The following SYDE1 variants were observed in gnomAD, a reference collection of about 807,000 sequenced individuals.
SYDE1 encodes the protein rho GTPase-activating protein SYDE1.
A neutral mutation model predicts 63.3 loss-of-function variants in SYDE1; 34 were observed. The observed-to-expected ratio is 0.54, with a 90% CI of 0.41 to 0.71. The LOEUF (loss-of-function observed/expected upper bound fraction) is 0.71. SYDE1 is among the 30% of genes least tolerant of loss of function. The pLI is 0.00. For missense variants in SYDE1, 925 were observed against 1,042.5 expected (o/e 0.89, Z 1.55); for synonymous variants, 467 against 473.4 (o/e 0.99, Z 0.18).
Position 15,109,624 on chromosome 19 carries a change from C to A in SYDE1, c.431-80C>A. On this transcript the variant is annotated intron_variant, in intron 2 of 7. Coordinates refer to ENST00000342784, the MANE Select transcript of SYDE1 (RefSeq NM_033025.6). The surrounding 1 kb of genome is among the most constrained non-coding windows in gnomAD (Gnocchi z 5.0). The stretch of plus-strand genomic sequence containing the variant: ...CCAGGGGAACACCAGCCTCACACTC[C>A]TTCCCTTCAGGGGAGCACCAGCCTC... 2.1e-6 allele frequency: 2 copies of A among 964,634 alleles called. No individual in the cohort carries two copies. Among genetic ancestry groups the A allele is most frequent in the African/African-American group, 1.7e-5 (1 of 60,322 alleles). The allele number at this position is 964,634 out of a possible 1,614,324, so 59.8% of individuals were successfully genotyped here.
chr19:15,108,711 G>A lies in SYDE1; in HGVS notation c.89-345G>A, dbSNP rs77889426. 3.5e-3 allele frequency: 837 copies of A among 236,060 alleles called. 8 individuals carry two copies. The highest frequency in any genetic ancestry group is 0.018 in the African/African-American group (801 of 44,584). The allele number at this position is 236,060 out of a possible 1,614,324, so 14.6% of individuals were successfully genotyped here. On this transcript the variant is annotated intron_variant, in intron 1 of 7. Transcript: ENST00000342784. The surrounding 1 kb of genome is among the most constrained non-coding windows in gnomAD (Gnocchi z 4.3). ...AGGGAAGCGACTTGCCCAAGGCCACGCAGGTGCAAAGCTCCATGCCACGGT... is the reference window on the plus strand; with the variant it reads ...AGGGAAGCGACTTGCCCAAGGCCACACAGGTGCAAAGCTCCATGCCACGGT...
Position 15,108,822 on chromosome 19 carries a change from A to ACT in SYDE1, c.89-234_89-233insCT. The ACT allele has an allele frequency of 2.0e-6, 1 of 506,430 alleles. No homozygotes were observed. Among genetic ancestry groups the ACT allele is most frequent in the South Asian group, 5.9e-5 (1 of 17,092 alleles). The allele number at this position is 506,430 out of a possible 1,614,324, so 31.4% of individuals were successfully genotyped here. A position where few individuals can be genotyped will look rare whatever the true frequency, so the allele number is the denominator to read the frequency against. On this transcript the variant is annotated intron_variant, in intron 1 of 7. Coordinates refer to ENST00000342784, the MANE Select transcript of SYDE1 (RefSeq NM_033025.6). The surrounding 1 kb of genome is among the most constrained non-coding windows in gnomAD (Gnocchi z 4.3). ...GACTTAGAACCCTGAGGCTGCAGGG[A>ACT]TGGAGTCCCCTTTTGGGATGCCAGG...
Position 15,107,521 on chromosome 19 carries a change from G to C in SYDE1, c.88G>C (p.Gly30Arg). The C allele has an allele frequency of 6.5e-7, 1 of 1,541,036 alleles. No individual in the cohort carries two copies. Among genetic ancestry groups the C allele is most frequent in the South Asian group, 1.2e-5 (1 of 84,026 alleles). ...GAAAAAGTCGGACGCCAAGGAGCGC[G>C]GTAAGCGGAGATCGGTGGGGAACAG... ...PRKKSDAKER[G>R]HPAQRPEPSP... The change falls in exon 1 of 8, where the codon GGC becomes CGC. Residue 30 changes from glycine to arginine, a missense_variant and splice_region_variant. Gly to Arg is a moderately radical substitution (Grantham distance 125, BLOSUM62 -2). This residue lies in a region of SYDE1 where 599 missense variants were observed against 653.7 expected (regional missense o/e 0.92). Coordinates refer to ENST00000342784, the MANE Select transcript of SYDE1 (RefSeq NM_033025.6).
At position 15,109,855 on chromosome 19, in the gene SYDE1, TG is replaced by T. The variant is rs1295996586; in HGVS notation, c.583del (p.Ala195ProfsTer146). The T allele has an allele frequency of 1.3e-6, 2 of 1,529,162 alleles. No homozygotes were observed. The allele number at this position is 1,529,162 out of a possible 1,614,324, so 94.7% of individuals were successfully genotyped here. A position where few individuals can be genotyped will look rare whatever the true frequency, so the allele number is the denominator to read the frequency against. On this transcript the variant is annotated frameshift_variant, in exon 3 of 8. Coordinates refer to ENST00000342784, the MANE Select transcript of SYDE1 (RefSeq NM_033025.6). LOFTEE classifies it high-confidence loss of function. The surrounding 1 kb of genome is among the most constrained non-coding windows in gnomAD (Gnocchi z 5.0). ...GGGCTGGCAGGGAGCGCGAGAGGGC[TG>T]CCCCTGCGGGCTCCGTCATCAGCCG... is the stretch of plus-strand genomic sequence containing the variant. ...PRAGRERERA[A>X]PAGSVISRYH... is the part of the protein sequence containing the mutation.
intron 7 of SYDE1, among the ~76,000 whole-genome samples, chr19:15,113,027 C>T (rs1227187941): frequency 6.6e-6 from 1 of 152,142 alleles, no homozygotes; most frequent in Non-Finnish European, 1.5e-5. Flanking sequence ...ACCTCAGCCT[C>T]CCGAGTAGCT....
rs2046328445 is a variant in SYDE1 at position 15,109,577 on chromosome 19, C to T, written c.431-127C>T. ...CCGTCAGATGCTCCCAGAGGAGCATCAGCCTCACACCCTCCTCCCCGCCAG... is the reference window on the plus strand; with the variant it reads ...CCGTCAGATGCTCCCAGAGGAGCATTAGCCTCACACCCTCCTCCCCGCCAG... On this transcript the variant is annotated intron_variant, in intron 2 of 7. Transcript: ENST00000342784. The surrounding 1 kb of genome is among the most constrained non-coding windows in gnomAD (Gnocchi z 5.0). 1.3e-5 allele frequency: 12 copies of T among 921,066 alleles called. No individual in the cohort carries two copies. In the Admixed American group the frequency reaches 3.6e-4, roughly 28 times the overall value. 57.1% of individuals were successfully genotyped at this position (921,066 alleles called of 1,614,324 possible). A position where few individuals can be genotyped will look rare whatever the true frequency, so the allele number is the denominator to read the frequency against.
rs1486353116 is a variant in SYDE1, at chr19:15,110,209, C to T, written c.936C>T (p.Phe312=). ...RTGPLRGGPD[F]LRLDHTFHLE... The stretch of plus-strand genomic sequence containing the variant: ...GGCCACTGCGAGGGGGGCCGGACTT[C>T]CTGCGGCTGGACCACACCTTCCACC... Residue 312 remains phenylalanine, a synonymous_variant, in exon 3 of 8, where the codon TTC becomes TTT. Coordinates refer to ENST00000342784, the MANE Select transcript of SYDE1 (RefSeq NM_033025.6). This position sits in a 1 kb window ranked among gnomAD's most constrained non-coding sequence, Gnocchi z 6.9. 2 of 1,417,642 alleles carry T rather than the reference C, an allele frequency of 1.4e-6. No homozygotes were observed. Among genetic ancestry groups the T allele is most frequent in the Non-Finnish European group, 1.8e-6 (2 of 1,088,640 alleles). The allele number at this position is 1,417,642 out of a possible 1,614,324, so 87.8% of individuals were successfully genotyped here.
At position 15,113,727 on chromosome 19, in the gene SYDE1, T is replaced by A; in HGVS notation, c.1972T>A (p.Cys658Ser). The part of the protein sequence containing the change: ...SNRYAGDWSV[C>S]GRDFLPCGRD... ...CCGCTACGCCGGCGACTGGAGCGTTTGCGGGCGGGACTTCCTGCCCTGTGG... is the reference window on the plus strand; with the variant it reads ...CCGCTACGCCGGCGACTGGAGCGTTAGCGGGCGGGACTTCCTGCCCTGTGG... Residue 658 changes from cysteine to serine, a missense_variant, in exon 8 of 8, where the codon TGC (cysteine) becomes AGC (serine). Physicochemically the swap from Cys to Ser is moderately radical, Grantham distance 112. This residue lies in a region of SYDE1 where 255 missense variants were observed against 255.9 expected (regional missense o/e 1.00). Coordinates refer to ENST00000342784, the MANE Select transcript of SYDE1 (RefSeq NM_033025.6). 2 of 1,613,568 alleles carry A rather than the reference T, an allele frequency of 1.2e-6. No individual in the cohort carries two copies. Among genetic ancestry groups the A allele is most frequent in the East Asian group, 2.2e-5 (1 of 44,834 alleles).
chr19:15,108,655 C>A lies in SYDE1; in HGVS notation c.89-401C>A, dbSNP rs188965223. Among the ~76,000 whole-genome samples the A allele has an allele frequency of 4.9e-4, 75 of 152,316 alleles. No homozygotes were observed. The highest frequency in any genetic ancestry group is 2.1e-3 in the South Asian group (10 of 4,828). On this transcript the variant is annotated intron_variant, in intron 1 of 7. Transcript: ENST00000342784. This position sits in a 1 kb window ranked among gnomAD's most constrained non-coding sequence, Gnocchi z 4.3. Reference sequence around the variant, plus strand: ...CCCTGGACATGGAAATCACATCCCCCCATTTCACAGGAGGATACTGAGCCT... The same window carrying A: ...CCCTGGACATGGAAATCACATCCCCACATTTCACAGGAGGATACTGAGCCT...
Position 15,111,416 on chromosome 19 carries a change from A to G in SYDE1, c.1394A>G (p.Tyr465Cys). Residue 465 changes from tyrosine (Y) to cysteine (C), a missense_variant, in exon 5 of 8, where the codon TAC becomes TGC. Coordinates refer to ENST00000342784, the MANE Select transcript of SYDE1 (RefSeq NM_033025.6). This position sits in a 1 kb window ranked among gnomAD's most constrained non-coding sequence, Gnocchi z 5.5. ...GCGGTCTGCCTATCTGAGGACCTGT[A>G]CCCCGATATCAATGTCATCACTGGT... ...SAAVCLSEDL[Y>C]PDINVITGIL... 6.2e-7 allele frequency: 1 copy of G among 1,613,800 alleles called. No individual in the cohort carries two copies. The highest frequency in any genetic ancestry group is 8.5e-7 in the Non-Finnish European group (1 of 1,179,926).
chr19:15,113,968 G>C lies in SYDE1; in HGVS notation c.*5G>C, dbSNP rs146541181. ...CAAATCAACGTGTGCCTCTGAGCCAGATGACGGGGTGGGACCCCGGTTAGT... is the reference window on the plus strand; with the variant it reads ...CAAATCAACGTGTGCCTCTGAGCCACATGACGGGGTGGGACCCCGGTTAGT... On this transcript the variant is annotated 3_prime_UTR_variant, in exon 8 of 8. Transcript: ENST00000342784. The C allele has an allele frequency of 1.5e-5, 24 of 1,607,706 alleles. No individual in the cohort carries two copies. Among genetic ancestry groups the C allele is most frequent in the Admixed American group, 6.7e-5 (4 of 59,838 alleles).
chr19:15,112,703 T>C, intron 7 of SYDE1, 132 bp downstream of exon 7: 1 of 701,960 alleles, frequency 1.4e-6, no homozygotes, highest in Middle Eastern at 3.9e-4. Context: ...CCTGGTTGCC[T>C]CAGCAACCAG....
At position 15,108,919 on chromosome 19, in the gene SYDE1, G is replaced by T; in HGVS notation, c.89-137G>T. 1 of 1,346,520 alleles carries T rather than the reference G, an allele frequency of 7.4e-7. No homozygotes were observed. 83.4% of individuals were successfully genotyped at this position (1,346,520 alleles called of 1,614,324 possible). On this transcript the variant is annotated intron_variant, in intron 1 of 7. Transcript: ENST00000342784. This position sits in a 1 kb window ranked among gnomAD's most constrained non-coding sequence, Gnocchi z 4.3. ...GTGGCTGCCTATTCCAAACAAAACAGCAGGATCCAAGGAACCATGACTTAT... is the reference window on the plus strand; with the variant it reads ...GTGGCTGCCTATTCCAAACAAAACATCAGGATCCAAGGAACCATGACTTAT...
Position 15,108,712 on chromosome 19 carries a change from C to G in SYDE1, c.89-344C>G, listed in dbSNP as rs970422109. 8.3e-6 allele frequency: 2 copies of G among 239,904 alleles called. No homozygotes were observed. The highest frequency in any genetic ancestry group is 1.6e-5 in the Non-Finnish European group (2 of 125,474). The allele number at this position is 239,904 out of a possible 1,614,324, so 14.9% of individuals were successfully genotyped here. A position where few individuals can be genotyped will look rare whatever the true frequency, so the allele number is the denominator to read the frequency against. ...GGGAAGCGACTTGCCCAAGGCCACG[C>G]AGGTGCAAAGCTCCATGCCACGGTT... On this transcript the variant is annotated intron_variant, in intron 1 of 7. Transcript: ENST00000342784. This position sits in a 1 kb window ranked among gnomAD's most constrained non-coding sequence, Gnocchi z 4.3.
chr19:15,109,126 C>G lies in SYDE1; in HGVS notation c.159C>G (p.Ala53=), dbSNP rs1397267441. Residue 53 remains alanine, a synonymous_variant, in exon 2 of 8, where the codon GCC becomes GCG. Coordinates refer to ENST00000342784, the MANE Select transcript of SYDE1 (RefSeq NM_033025.6). This position sits in a 1 kb window ranked among gnomAD's most constrained non-coding sequence, Gnocchi z 5.0. ...CCCAGGCTCCCGAAGGGTCCCAGGC[C>G]GGAGCAGAGGGGCCCTCCAGCCCCG... The part of the protein sequence containing the change: ...PEPQAPEGSQ[A]GAEGPSSPEA... 2 of 1,549,854 alleles carry G rather than the reference C, an allele frequency of 1.3e-6. No individual in the cohort carries two copies. Among genetic ancestry groups the G allele is most frequent in the Non-Finnish European group, 1.7e-6 (2 of 1,146,628 alleles).
chr19:15,109,076 G>A lies in SYDE1; in HGVS notation c.109G>A (p.Glu37Lys). 6.6e-7 allele frequency: 1 copy of A among 1,514,794 alleles called. No individual in the cohort carries two copies. 93.8% of individuals were successfully genotyped at this position (1,514,794 alleles called of 1,614,324 possible). Residue 37 changes from glutamate (E) to lysine (K), a missense_variant, in exon 2 of 8, where the codon GAG becomes AAG. Coordinates refer to ENST00000342784, the MANE Select transcript of SYDE1 (RefSeq NM_033025.6). This position sits in a 1 kb window ranked among gnomAD's most constrained non-coding sequence, Gnocchi z 5.0. ...GCCAGGCCACCCAGCCCAGCGCCCA[G>A]AGCCCAGCCCTCCAGAGCCAGAGCC... ...KERGHPAQRP[E>K]PSPPEPEPQA... is the part of the protein sequence containing the mutation.
In SYDE1 at chr19:15,110,138, C is replaced by T. The variant is rs759139503; in HGVS notation, c.865C>T (p.Leu289Phe). ...AGCGCCGGGGGCCACCCCCAGGGAC[C>T]TCTGCTGCCTACTGCAAGTGGATGG... ...RPAPGATPRD[L>F]CCLLQVDGEA... The change falls in exon 3 of 8, where the codon CTC becomes TTC. Residue 289 changes from leucine to phenylalanine, a missense_variant. Physicochemically the swap from Leu to Phe is conservative, Grantham distance 22 (BLOSUM62 0). Coordinates refer to ENST00000342784, the MANE Select transcript of SYDE1 (RefSeq NM_033025.6). The surrounding 1 kb of genome is among the most constrained non-coding windows in gnomAD (Gnocchi z 6.9). The T allele has an allele frequency of 7.8e-6, 11 of 1,406,510 alleles. No individual in the cohort carries two copies. The highest frequency in any genetic ancestry group is 1.0e-5 in the Non-Finnish European group (11 of 1,085,938). The allele number at this position is 1,406,510 out of a possible 1,614,324, so 87.1% of individuals were successfully genotyped here. A position where few individuals can be genotyped will look rare whatever the true frequency, so the allele number is the denominator to read the frequency against.
Position 15,110,485 on chromosome 19 carries a change from A to G in SYDE1, c.1076-36A>G. On this transcript the variant is annotated intron_variant, in intron 3 of 7. Coordinates refer to ENST00000342784, the MANE Select transcript of SYDE1 (RefSeq NM_033025.6). The surrounding 1 kb of genome is among the most constrained non-coding windows in gnomAD (Gnocchi z 6.9). ...GCGAGGCCAGGGTACATGAAGCTTC[A>G]GAGCACACCCGGCTCAGGCCCCCTT... The G allele has an allele frequency of 6.5e-7, 1 of 1,535,036 alleles. No individual in the cohort carries two copies. The highest frequency in any genetic ancestry group is 8.8e-7 in the Non-Finnish European group (1 of 1,140,420).
chr19:15,113,714 C>A lies in SYDE1; in HGVS notation c.1959C>A (p.Gly653=), dbSNP rs199938424. ...GCCCCCCGAGCAACCGCTACGCCGGCGACTGGAGCGTTTGCGGGCGGGACT... is the reference window on the plus strand; with the variant it reads ...GCCCCCCGAGCAACCGCTACGCCGGAGACTGGAGCGTTTGCGGGCGGGACT... ...PESPPSNRYA[G]DWSVCGRDFL... is the part of the protein sequence containing the mutation. The change falls in exon 8 of 8, where the codon GGC becomes GGA. Residue 653 remains glycine (G), a synonymous_variant. Transcript: ENST00000342784. 1.9e-5 allele frequency: 30 copies of A among 1,613,430 alleles called. No homozygotes were observed. The Middle Eastern group carries it at 4.9e-4, about 27-fold the overall frequency.
Sources: allele counts gnomAD v4.1 joint callset (sites outside exome capture counted in the v4.1 genomes callset), GRCh38; gene constraint gnomAD v4.1.1; regional missense constraint gnomAD v4.1.1; non-coding constraint Gnocchi (gnomAD v3.1); transcripts MANE v1.5; gene names NCBI Gene and HGNC (gene_info 2026-07-23, HGNC 2026-07-21).